The following DLG2 variants were observed in gnomAD, a reference collection of about 807,000 sequenced individuals.
DLG2 encodes the protein discs large MAGUK scaffold protein 2.
Under a neutral mutation model 132.5 loss-of-function variants are expected in DLG2, and 45 were observed. The observed-to-expected ratio is 0.34, with a 90% CI of 0.27 to 0.44. DLG2 has a LOEUF of 0.44. Among genes scored for constraint, DLG2 ranks in the 20% least tolerant of loss-of-function variants. DLG2 has a pLI of 1.00. For missense variants in DLG2, 1,045 were observed against 1,196.9 expected, an observed-to-expected ratio of 0.87 and a Z score of 1.87; for synonymous variants, 424 against 419.6, an observed-to-expected ratio of 1.01 and a Z score of -0.13.
At chr11:84,885,270 A>T (rs1335192955) in intron 6 of DLG2, among the ~76,000 whole-genome samples, 1 of 152,160 alleles carries the variant, frequency 6.6e-6, no homozygotes, top group African/African-American at 2.4e-5. Context: ...TTAATGAACC[A>T]GAATTTTTTA....
intron 6 of DLG2, among the ~76,000 whole-genome samples, chr11:84,674,715 G>A (rs747731056): frequency 2.0e-5 from 3 of 152,014 alleles, no homozygotes; most frequent in Non-Finnish European, 1.5e-5. Flanking sequence ...TTGACTATAG[G>A]TACAATAGTC....
intron 16 of DLG2, among the ~76,000 whole-genome samples, chr11:83,861,983 C>T (rs1595589375): frequency 6.6e-6 from 1 of 152,012 alleles, no homozygotes; most frequent in African/African-American, 2.4e-5. Context: ...ATCTCATGTA[C>T]CCCATAAATA....
intron 8 of DLG2, among the ~76,000 whole-genome samples, chr11:84,171,298 T>C (rs1163485604): frequency 6.6e-6 from 1 of 152,188 alleles, no homozygotes; most frequent in Non-Finnish European, 1.5e-5. Context: ...TTTTGTTACA[T>C]GGATATATTG....
chr11:84,612,306 A>T (rs1412604079), intron 6 of DLG2, among the ~76,000 whole-genome samples: 7 of 149,762 alleles, frequency 4.7e-5, no homozygotes. Flanking sequence ...AAGTGTCACA[A>T]TTTTTTTTTT....
chr11:83,460,997 G>A (rs2089831639), intron 27 of DLG2, among the ~76,000 whole-genome samples: 1 of 129,812 alleles, frequency 7.7e-6, no homozygotes, highest in African/African-American at 2.9e-5. Flanking sequence ...GAAAGTTCTT[G>A]GGTTTTTTTT....
intron 6 of DLG2, among the ~76,000 whole-genome samples, chr11:84,570,896 G>A (rs981588335): frequency 1.3e-5 from 2 of 152,182 alleles, no homozygotes; most frequent in Non-Finnish European, 2.9e-5. Context: ...TCTTCAGAGA[G>A]CGAAGTTATC....
intron 7 of DLG2, among the ~76,000 whole-genome samples, chr11:84,399,207 C>T (rs2098821148): frequency 6.6e-6 from 1 of 152,124 alleles, no homozygotes; most frequent in African/African-American, 2.4e-5. Flanking sequence ...GTATCCTCTT[C>T]ACTACCCTGC....
intron 7 of DLG2, among the ~76,000 whole-genome samples, chr11:84,343,762 G>GTTCTCACTC (rs1202155903): frequency 6.6e-6 from 1 of 152,112 alleles, no homozygotes; most frequent in African/African-American, 2.4e-5. Flanking sequence ...AGGTATTATT[G>GTTCTCACTC]TTGTCACTCT....
At chr11:84,406,125 A>G (rs1247389981) in intron 7 of DLG2, among the ~76,000 whole-genome samples, 1 of 151,996 alleles carries the variant, frequency 6.6e-6, no homozygotes, top group Admixed American at 6.6e-5. Flanking sequence ...TATTTTGTCC[A>G]TTGATCTCTG....
At chr11:84,094,561 C>T (rs925069021) in intron 10 of DLG2, among the ~76,000 whole-genome samples, 1 of 152,156 alleles carries the variant, frequency 6.6e-6, no homozygotes, top group Non-Finnish European at 1.5e-5. Flanking sequence ...TAAACCAAGG[C>T]ACTGGCAGAT....
chr11:83,548,807 C>T (rs1477112189), intron 19 of DLG2, among the ~76,000 whole-genome samples: 1 of 152,142 alleles, frequency 6.6e-6, no homozygotes. Flanking sequence ...AAGAAGCAGC[C>T]TTTCCTTCTC....
At chr11:84,919,545 A>G (rs1010897607) in intron 6 of DLG2, among the ~76,000 whole-genome samples, 1 of 152,238 alleles carries the variant, frequency 6.6e-6, no homozygotes, top group East Asian at 1.9e-4. Context: ...CTTCTGACAC[A>G]CTGTGGAAAA....
intron 7 of DLG2, among the ~76,000 whole-genome samples, chr11:84,433,709 A>C (rs1222574304): frequency 6.6e-6 from 1 of 152,232 alleles, no homozygotes; most frequent in African/African-American, 2.4e-5. Flanking sequence ...TACAATTGCC[A>C]GGCATTTAGG....
chr11:84,022,715 G>A (rs1017902164), intron 11 of DLG2, among the ~76,000 whole-genome samples: 2 of 152,166 alleles, frequency 1.3e-5, no homozygotes, highest in Non-Finnish European at 2.9e-5. Flanking sequence ...GAAAAATGGA[G>A]GAAGAAACAT....
intron 18 of DLG2, among the ~76,000 whole-genome samples, chr11:83,770,724 C>T (rs2094358759): frequency 6.6e-6 from 1 of 151,992 alleles, no homozygotes; most frequent in South Asian, 2.1e-4. Flanking sequence ...TACTCTCAGG[C>T]TTTCTGTAAA....
At chr11:83,938,606 A>G (rs1427180242) in intron 14 of DLG2, among the ~76,000 whole-genome samples, 1 of 152,248 alleles carries the variant, frequency 6.6e-6, no homozygotes, top group Non-Finnish European at 1.5e-5. Context: ...AATGAGTACA[A>G]TCATTTTGGC....
chr11:85,479,491 A>C (rs1022498564), intron 3 of DLG2, among the ~76,000 whole-genome samples: 12 of 152,264 alleles, frequency 7.9e-5, no homozygotes, highest in African/African-American at 2.7e-4. Context: ...ATAAACATTA[A>C]GTCTATAACA....
chr11:85,261,848 A>G (rs2076959192), intron 4 of DLG2, among the ~76,000 whole-genome samples: 1 of 152,112 alleles, frequency 6.6e-6, no homozygotes, highest in Admixed American at 6.6e-5. Flanking sequence ...AGTGACATCA[A>G]GGTTGGGCTA....
intron 7 of DLG2, chr11:84,317,253 T>C: frequency 6.7e-7 from 1 of 1,502,498 alleles, no homozygotes; most frequent in Non-Finnish European, 8.8e-7. Context: ...CCACCGTGGA[T>C]TCCTCAGTAT....
Sources: allele counts gnomAD v4.1 joint callset (sites outside exome capture counted in the v4.1 genomes callset), GRCh38; gene constraint gnomAD v4.1.1; transcripts MANE v1.5; gene names NCBI Gene and HGNC (gene_info 2026-07-23, HGNC 2026-07-21).